The following CDKAL1 variants were observed in gnomAD, a reference collection of about 807,000 sequenced individuals.
CDKAL1 encodes the protein CDKAL1 threonylcarbamoyladenosine tRNA methylthiotransferase.
Under a neutral mutation model 68.2 loss-of-function variants are expected in CDKAL1, and 32 were observed. The observed-to-expected ratio is 0.47, with a 90% CI of 0.35 to 0.63. The LOEUF (loss-of-function observed/expected upper bound fraction) is 0.63. CDKAL1 is among the 30% of genes least tolerant of loss of function. The pLI is 0.00. For synonymous variants in CDKAL1, 234 were observed against 244.3 expected (o/e 0.96, Z 0.39); for missense variants, 606 against 696.7 (o/e 0.87, Z 1.47).
chr6:20,655,581 CACATCCTATTGTGAACTGT>C, intron 5 of CDKAL1, among the ~76,000 whole-genome samples: 1 of 152,288 alleles, frequency 6.6e-6, no homozygotes, highest in South Asian at 2.1e-4. Context: ...TACAGGAGCA[CACATCCTATTGTGAACTGT>C]ACATGTGAGG....
chr6:20,560,747 A>G (rs758922178), intron 4 of CDKAL1, among the ~76,000 whole-genome samples: 3 of 152,184 alleles, frequency 2.0e-5, no homozygotes, highest in Non-Finnish European at 4.4e-5. Context: ...AGTGATTTGA[A>G]TATCTCAGGA....
At chr6:20,546,655 G>A (rs1257214680) in intron 3 of CDKAL1, 132 bp downstream of exon 3, 1 of 656,778 alleles carries the variant, frequency 1.5e-6, no homozygotes, top group Non-Finnish European at 2.5e-6. Flanking sequence ...CTGGATTCAA[G>A]CTATTCTCCT....
chr6:20,627,639 G>T (rs1185939312), intron 4 of CDKAL1, among the ~76,000 whole-genome samples: 1 of 152,136 alleles, frequency 6.6e-6, no homozygotes, highest in African/African-American at 2.4e-5. Context: ...TAGGATTTTT[G>T]ATAGGAATTA....
chr6:20,862,243 A>G (rs1360032512), intron 9 of CDKAL1, among the ~76,000 whole-genome samples: 2 of 152,236 alleles, frequency 1.3e-5, no homozygotes, highest in African/African-American at 4.8e-5. Context: ...TACAGTTTAC[A>G]GCCTAGCATG....
At chr6:21,127,368 G>A (rs1176280627) in intron 13 of CDKAL1, among the ~76,000 whole-genome samples, 1 of 152,142 alleles carries the variant, frequency 6.6e-6, no homozygotes, top group East Asian at 1.9e-4. Flanking sequence ...CGATATAGAG[G>A]AATTGTTTGA....
chr6:21,113,482 C>CA lies in CDKAL1; in HGVS notation c.1299+5026dup, dbSNP rs552616609. The stretch of plus-strand genomic sequence containing the variant: ...GGCACATAGCAAGAACCCATCTCTA[C>CA]AAAAAAACGGGGTTTTTTTGTTTTT... On this transcript the variant is annotated intron_variant, in intron 13 of 15. Coordinates refer to ENST00000274695, the MANE Select transcript of CDKAL1 (RefSeq NM_017774.3). 3.3e-5 allele frequency among the ~76,000 whole-genome samples: 5 copies of CA among 151,746 alleles called. No homozygotes were observed. The South Asian group carries it at 1.0e-3, about 32-fold the overall frequency.
intron 9 of CDKAL1, among the ~76,000 whole-genome samples, chr6:20,932,932 G>A (rs1043890971): frequency 2.6e-5 from 4 of 152,128 alleles, no homozygotes; most frequent in Non-Finnish European, 5.9e-5. Context: ...GAATTTGATT[G>A]TTATTGTATT....
At chr6:21,222,029 G>A (rs192735805) in intron 15 of CDKAL1, among the ~76,000 whole-genome samples, 66 of 152,320 alleles carry the variant, frequency 4.3e-4, no homozygotes, top group Admixed American at 1.4e-3. Flanking sequence ...TGTTCCTTTG[G>A]TGGACGTCAA....
At chr6:20,983,391 C>T (rs1335738355) in intron 10 of CDKAL1, among the ~76,000 whole-genome samples, 4 of 152,150 alleles carry the variant, frequency 2.6e-5, no homozygotes, top group Admixed American at 6.5e-5. Context: ...TTACCTTTGA[C>T]ATATATAATA....
intron 13 of CDKAL1, among the ~76,000 whole-genome samples, chr6:21,177,036 A>C (rs1375220379): frequency 6.6e-6 from 1 of 151,986 alleles, no homozygotes; most frequent in African/African-American, 2.4e-5. Flanking sequence ...CAGCCCCCTA[A>C]CTGTTAGATA....
intron 9 of CDKAL1, among the ~76,000 whole-genome samples, chr6:20,862,995 C>T (rs952514012): frequency 2.0e-5 from 3 of 152,122 alleles, no homozygotes; most frequent in African/African-American, 4.8e-5. Context: ...CATTGCACTC[C>T]AGCCTGGGCA....
chr6:20,903,326 T>C (rs1179939033), intron 9 of CDKAL1, among the ~76,000 whole-genome samples: 1 of 152,198 alleles, frequency 6.6e-6, no homozygotes, highest in African/African-American at 2.4e-5. Context: ...TATTTGGAGA[T>C]GTGTTCTTGA....
At chr6:20,880,244 A>G (rs78399669) in intron 9 of CDKAL1, among the ~76,000 whole-genome samples, 2,441 of 136,478 alleles carry the variant, frequency 0.018, 32 homozygotes, top group Non-Finnish European at 0.027. Context: ...TTATTCCATC[A>G]AAGAAACTAC....
chr6:21,033,670 G>A (rs903781872), intron 11 of CDKAL1, among the ~76,000 whole-genome samples: 1 of 152,156 alleles, frequency 6.6e-6, no homozygotes, highest in Non-Finnish European at 1.5e-5. Flanking sequence ...TTCCCTGCCC[G>A]CCTAGCTGGC....
intron 9 of CDKAL1, among the ~76,000 whole-genome samples, chr6:20,889,986 T>A (rs952152524): frequency 2.0e-5 from 3 of 152,180 alleles, no homozygotes; most frequent in African/African-American, 7.2e-5. Context: ...ACCCCTGGGC[T>A]CTAGTGATCC....
chr6:20,622,525 A>G lies in CDKAL1; in HGVS notation c.287-26768A>G, dbSNP rs181676239. ...TACTGAAATGTTTTTAGTTTTGCCT[A>G]CTCTGCTTCTAGATGACAGTGTTCA... On this transcript the variant is annotated intron_variant, in intron 4 of 15. Transcript: ENST00000274695. 2.4e-4 allele frequency among the ~76,000 whole-genome samples: 37 copies of G among 152,018 alleles called. No individual in the cohort carries two copies. The East Asian group carries it at 5.8e-3, about 24-fold the overall frequency.
chr6:20,990,511 T>C (rs1168071440), intron 10 of CDKAL1, among the ~76,000 whole-genome samples: 2 of 152,244 alleles, frequency 1.3e-5, no homozygotes, highest in Non-Finnish European at 2.9e-5. Context: ...AAACGTTAAC[T>C]CTTAGCAGTT....
chr6:20,841,149 G>C (rs1056436636), intron 8 of CDKAL1, among the ~76,000 whole-genome samples: 1 of 152,096 alleles, frequency 6.6e-6, no homozygotes, highest in African/African-American at 2.4e-5. Context: ...TGTAACATTT[G>C]AAGCTTTGAG....
intron 9 of CDKAL1, among the ~76,000 whole-genome samples, chr6:20,860,322 G>A (rs28412953): frequency 2.0e-5 from 3 of 152,000 alleles, no homozygotes; most frequent in Non-Finnish European, 4.4e-5. Context: ...CAGGTGATCC[G>A]CCTGCCTCAG....
Sources: allele counts gnomAD v4.1 joint callset (sites outside exome capture counted in the v4.1 genomes callset), GRCh38; gene constraint gnomAD v4.1.1; transcripts MANE v1.5; gene names NCBI Gene and HGNC (gene_info 2026-07-23, HGNC 2026-07-21).